The following MTHFD1L variants were observed in gnomAD, a reference collection of about 807,000 sequenced individuals.
MTHFD1L encodes the protein monofunctional C1-tetrahydrofolate synthase, mitochondrial.
Under a neutral mutation model 119.5 loss-of-function variants are expected in MTHFD1L, and 81 were observed. That is an observed-to-expected ratio of 0.68 (90% CI 0.57 to 0.82). The LOEUF (loss-of-function observed/expected upper bound fraction) is 0.82. Among genes scored for constraint, MTHFD1L ranks in the 40% least tolerant of loss-of-function variants. The pLI is 0.00. For missense variants in MTHFD1L, 1,125 were observed against 1,253.4 expected (o/e 0.90, Z 1.55); for synonymous variants, 430 against 475.2 (o/e 0.90, Z 1.24).
At position 150,936,399 on chromosome 6, in the gene MTHFD1L, G is replaced by C. The variant is rs1239923839; in HGVS notation, c.1257-405G>C. Among the ~76,000 whole-genome samples the C allele has an allele frequency of 4.6e-5, 7 of 152,248 alleles. No individual in the cohort carries two copies. In the East Asian group the frequency reaches 1.4e-3, roughly 29 times the overall value. Reference sequence around the variant, plus strand: ...TACTCACCCAAGGACCGTTGAGCTAGGCCCTGTCCCCAAACCATAGGCCCT... The same window carrying C: ...TACTCACCCAAGGACCGTTGAGCTACGCCCTGTCCCCAAACCATAGGCCCT... On this transcript the variant is annotated intron_variant, in intron 11 of 27. Transcript: ENST00000367321.
chr6:150,935,362 T>C, intron 11 of MTHFD1L: 1 of 1,613,846 alleles, frequency 6.2e-7, no homozygotes, highest in South Asian at 1.1e-5. Flanking sequence ...TACTTATAGT[T>C]GCTAACAAAC....
intron 2 of MTHFD1L, among the ~76,000 whole-genome samples, chr6:150,876,659 T>G (rs1780495425): frequency 6.6e-6 from 1 of 152,216 alleles, no homozygotes; most frequent in Admixed American, 6.5e-5. Context: ...ATACTTCTTT[T>G]GGCTGCAGGC....
chr6:150,914,632 T>C (rs1337879929), intron 8 of MTHFD1L, among the ~76,000 whole-genome samples: 2 of 152,266 alleles, frequency 1.3e-5, no homozygotes, highest in African/African-American at 4.8e-5. Flanking sequence ...CACTCCAGCC[T>C]GGGCAACAGA....
intron 20 of MTHFD1L, 50 bp downstream of exon 20, chr6:150,972,108 A>G (rs772891239): frequency 4.7e-6 from 7 of 1,494,722 alleles, no homozygotes; most frequent in Non-Finnish European, 6.5e-6. Context: ...GAAGAAATCT[A>G]AAAGCTGATG....
At chr6:150,917,143 C>G (rs1788117345) in intron 8 of MTHFD1L, among the ~76,000 whole-genome samples, 1 of 152,142 alleles carries the variant, frequency 6.6e-6, no homozygotes, top group Non-Finnish European at 1.5e-5. Context: ...CAGTCTTACC[C>G]TGTGAGTGTT....
Position 151,092,215 on chromosome 6 carries a change from T to C in MTHFD1L, c.2848-252T>C, listed in dbSNP as rs541358606. On this transcript the variant is annotated intron_variant, in intron 26 of 27. Coordinates refer to ENST00000367321, the MANE Select transcript of MTHFD1L (RefSeq NM_015440.5). ...TGGAGTTTGGAAGATCACTGTTTTG[T>C]AGTTCGGGTGTGTTATGGGGCCACA... Among the ~76,000 whole-genome samples, 9 of 152,300 alleles carry C rather than the reference T, an allele frequency of 5.9e-5. No homozygotes were observed. The East Asian group carries it at 1.7e-3, about 29-fold the overall frequency.
chr6:150,958,798 C>T (rs112274677), intron 17 of MTHFD1L, among the ~76,000 whole-genome samples: 4 of 152,080 alleles, frequency 2.6e-5, no homozygotes, highest in African/African-American at 9.7e-5. Context: ...AGCAGCCTTC[C>T]GCTATGCACG....
At chr6:151,092,695 T>C in intron 27 of MTHFD1L, 108 bp downstream of exon 27, 1 of 643,950 alleles carries the variant, frequency 1.6e-6, no homozygotes. Flanking sequence ...ATAAATCCTT[T>C]CCTTCCTTTG....
At chr6:150,877,549 T>C (rs1203417495) in intron 2 of MTHFD1L, 85 bp from the exon 3 acceptor site, 11 of 1,435,058 alleles carry the variant, frequency 7.7e-6, no homozygotes, top group Middle Eastern at 2.4e-4. Flanking sequence ...TTAGATCATC[T>C]GTAATCACAA....
In MTHFD1L at chr6:150,938,493, CAG is replaced by C. The variant is rs142035382; in HGVS notation, c.1394-203_1394-202del. Among the ~76,000 whole-genome samples the C allele has an allele frequency of 8.1e-3, 1,227 of 151,234 alleles. 11 individuals are homozygous for C. Among genetic ancestry groups the C allele is most frequent in the African/African-American group, 0.028 (1,160 of 41,112 alleles). ...TACCTTTTTTTTTTAAGCAAAGAAA[CAG>C]AGGTATAGTTAGACAAAGTGTCAAC... On this transcript the variant is annotated intron_variant, in intron 12 of 27. Transcript: ENST00000367321.
chr6:150,978,150 G>T, intron 20 of MTHFD1L, among the ~76,000 whole-genome samples: 1 of 151,796 alleles, frequency 6.6e-6, no homozygotes, highest in Non-Finnish European at 1.5e-5. Context: ...CACCCGCCTC[G>T]GCCTCCCAAA....
chr6:150,923,856 A>G lies in MTHFD1L; in HGVS notation c.1082+1554A>G, dbSNP rs922608169. ...CTGTTCATTAATTATATAAGTTGCA[A>G]TGAGGAATGTTATTCTTTGTAATAT... On this transcript the variant is annotated intron_variant, in intron 10 of 27. Coordinates refer to ENST00000367321, the MANE Select transcript of MTHFD1L (RefSeq NM_015440.5). Among the ~76,000 whole-genome samples, 6 of 152,206 alleles carry G rather than the reference A, an allele frequency of 3.9e-5. No individual in the cohort carries two copies. In the South Asian group the frequency reaches 1.0e-3, roughly 26 times the overall value.
At chr6:151,014,797 G>A in intron 22 of MTHFD1L, 83 bp from the exon 23 acceptor site, 1 of 955,460 alleles carries the variant, frequency 1.0e-6, no homozygotes, top group South Asian at 1.5e-5. Flanking sequence ...AATCCTGCCA[G>A]AGAGGTGCTG....
chr6:150,912,331 A>G (rs778103379), intron 8 of MTHFD1L, among the ~76,000 whole-genome samples: 18 of 150,466 alleles, frequency 1.2e-4, no homozygotes, highest in Non-Finnish European at 2.1e-4. Flanking sequence ...ACCTGTACTG[A>G]TTTCTAATTT....
chr6:150,891,229 G>A (rs554124614), intron 7 of MTHFD1L, among the ~76,000 whole-genome samples: 1 of 151,930 alleles, frequency 6.6e-6, no homozygotes, highest in African/African-American at 2.4e-5. Context: ...CAGGTGATCC[G>A]CCCACCTCGA....
intron 10 of MTHFD1L, among the ~76,000 whole-genome samples, chr6:150,925,075 T>C (rs892469606): frequency 5.3e-5 from 8 of 152,048 alleles, no homozygotes; most frequent in Non-Finnish European, 8.8e-5. Flanking sequence ...GTCTGAACAC[T>C]GAGGGTAGAT....
intron 27 of MTHFD1L, chr6:151,099,677 T>A (rs1176787155): frequency 1.9e-6 from 3 of 1,606,848 alleles, no homozygotes; most frequent in Non-Finnish European, 2.6e-6. Flanking sequence ...AGATTCAGGG[T>A]CCAGATCTTG....
At chr6:150,900,014 A>T (rs896805168) in intron 7 of MTHFD1L, among the ~76,000 whole-genome samples, 1 of 148,134 alleles carries the variant, frequency 6.8e-6, no homozygotes, top group East Asian at 1.9e-4. Context: ...TATATTATAT[A>T]TTATATATTT....
chr6:151,044,426 C>T (rs1386132528), intron 26 of MTHFD1L, among the ~76,000 whole-genome samples: 1 of 151,756 alleles, frequency 6.6e-6, no homozygotes, highest in Non-Finnish European at 1.5e-5. Context: ...CTCAGCCTCC[C>T]GAGTAGCTGG....
Sources: gnomAD v4.1 joint callset for allele counts (sites outside exome capture counted in the v4.1 genomes callset) on GRCh38, gnomAD v4.1.1 for gene constraint, MANE v1.5 for transcripts, NCBI Gene and HGNC (gene_info 2026-07-23, HGNC 2026-07-21) for gene names.